RASA3: variants seen among roughly 807,000 people sequenced by gnomAD.
The protein encoded by RASA3 is ras GTPase-activating protein 3.
In RASA3, 73 loss-of-function variants were observed where a neutral mutation model predicts 110.0. That is an observed-to-expected ratio of 0.66 (90% CI 0.55 to 0.81). RASA3 has a LOEUF of 0.81. RASA3 is among the 30% of genes least tolerant of loss of function. RASA3 has a pLI of 0.00. For missense variants in RASA3, 976 were observed against 1,113.2 expected, an observed-to-expected ratio of 0.88 and a Z score of 1.75; for synonymous variants, 500 against 451.4, an observed-to-expected ratio of 1.11 and a Z score of -1.37.
intron 1 of RASA3, among the ~76,000 whole-genome samples, chr13:114,128,077 G>C (rs996741897): frequency 6.6e-6 from 1 of 152,170 alleles, no homozygotes; most frequent in Non-Finnish European, 1.5e-5. Context: ...TCGTCCTCAG[G>C]GGTTAAAAAT....
intron 9 of RASA3, among the ~76,000 whole-genome samples, chr13:114,020,615 G>A (rs1368721198): frequency 6.6e-6 from 1 of 152,236 alleles, no homozygotes; most frequent in Non-Finnish European, 1.5e-5. Context: ...CCTCTCAGGA[G>A]CTGCCTGTCG....
intron 3 of RASA3, among the ~76,000 whole-genome samples, chr13:114,051,304 G>A (rs1272365988): frequency 6.6e-6 from 1 of 152,338 alleles, no homozygotes; most frequent in Admixed American, 6.5e-5. Context: ...GAGCTCAGGC[G>A]CCACAGGACC....
chr13:114,042,398 C>T (rs2054430129), intron 3 of RASA3, among the ~76,000 whole-genome samples: 1 of 152,258 alleles, frequency 6.6e-6, no homozygotes, highest in Non-Finnish European at 1.5e-5. Flanking sequence ...GAAGTCTGAG[C>T]CCATCACAGA....
chr13:114,097,135 C>T (rs552159363), intron 1 of RASA3, among the ~76,000 whole-genome samples: 3 of 152,330 alleles, frequency 2.0e-5, no homozygotes, highest in South Asian at 2.1e-4. Flanking sequence ...CCTCCTGAAC[C>T]GAGCAGTTCT....
chr13:113,981,838 C>G lies in RASA3; in HGVS notation c.2266G>C (p.Val756Leu). The G allele has an allele frequency of 6.2e-7, 1 of 1,613,868 alleles. No individual in the cohort carries two copies. Among genetic ancestry groups the G allele is most frequent in the South Asian group, 1.1e-5 (1 of 91,086 alleles). The part of the protein sequence containing the change: ...KMQEACGSKS[V>L]YDGPEQEEYS... The stretch of plus-strand genomic sequence containing the variant: ...TCCTCCTGCTCCGGGCCGTCATACA[C>G]AGATTTGCTCCCACAGGCCTCTGTG... The change falls in exon 23 of 24, where the codon GTG (valine) becomes CTG (leucine). Residue 756 changes from valine (V) to leucine (L), a missense_variant. This residue lies in a region of RASA3 where 132 missense variants were observed against 152.8 expected (regional missense o/e 0.86). Transcript: ENST00000334062.
intron 4 of RASA3, among the ~76,000 whole-genome samples, chr13:114,034,886 A>T (rs982312627): frequency 3.3e-5 from 5 of 152,102 alleles, no homozygotes; most frequent in Non-Finnish European, 5.9e-5. Context: ...CAGAAGGGAG[A>T]TCTGAACGCT....
At chr13:114,132,046 A>C (rs2080527388) in intron 1 of RASA3, among the ~76,000 whole-genome samples, 1 of 151,936 alleles carries the variant, frequency 6.6e-6, no homozygotes, top group Non-Finnish European at 1.5e-5. Context: ...TGGATTTGAC[A>C]CCTGAAGTGC....
intron 2 of RASA3, among the ~76,000 whole-genome samples, chr13:114,073,220 C>A (rs1280928416): frequency 6.6e-6 from 1 of 151,046 alleles, no homozygotes; most frequent in Non-Finnish European, 1.5e-5. Context: ...ACGCTCGGGA[C>A]ATTGTCTACG....
chr13:114,003,368 C>T (rs1379904353), intron 18 of RASA3, among the ~76,000 whole-genome samples: 2 of 152,204 alleles, frequency 1.3e-5, no homozygotes, highest in Non-Finnish European at 2.9e-5. Context: ...CCTGTATCTA[C>T]AGCAGCTTCT....
intron 10 of RASA3, 88 bp from the exon 11 acceptor site, chr13:114,018,340 G>A: frequency 2.8e-6 from 4 of 1,429,648 alleles, no homozygotes; most frequent in Non-Finnish European, 3.7e-6. Flanking sequence ...CTCACTTCCA[G>A]CCACAATAGA....
At chr13:114,100,849 G>T (rs2080050499) in intron 1 of RASA3, among the ~76,000 whole-genome samples, 1 of 152,246 alleles carries the variant, frequency 6.6e-6, no homozygotes, top group South Asian at 2.1e-4. Flanking sequence ...CACCTGGAGA[G>T]GCTGCTAGTG....
chr13:114,109,705 C>T (rs958209026), intron 1 of RASA3, among the ~76,000 whole-genome samples: 17 of 152,348 alleles, frequency 1.1e-4, no homozygotes, highest in Middle Eastern at 3.4e-3. Flanking sequence ...CGGCTGTGCA[C>T]ACCTGGAGAC....
intron 16 of RASA3, among the ~76,000 whole-genome samples, chr13:114,010,307 A>G (rs2297102): frequency 0.71 from 107,293 of 151,724 alleles, 38,775 homozygotes; most frequent in African/African-American, 0.87. Context: ...TGTGCACCAC[A>G]GCCCAGCCCT....
intron 4 of RASA3, chr13:114,035,979 C>G (rs1379682887): frequency 6.6e-6 from 1 of 152,250 alleles, no homozygotes; most frequent in Non-Finnish European, 1.5e-5. Context: ...GGGGGAAACA[C>G]GTAGGTGTCT....
intron 7 of RASA3, among the ~76,000 whole-genome samples, chr13:114,025,132 C>A (rs9525208): frequency 6.0e-4 from 91 of 152,378 alleles, no homozygotes; most frequent in Non-Finnish European, 1.1e-3. Context: ...CCCTGCCCCC[C>A]CTTCTCCGGG....
chr13:114,114,607 A>G lies in RASA3; in HGVS notation c.55+17828T>C, dbSNP rs2080255435. Among the ~76,000 whole-genome samples the G allele has an allele frequency of 6.6e-6, 1 of 152,228 alleles. No individual in the cohort carries two copies. The highest frequency in any genetic ancestry group is 2.4e-5 in the African/African-American group (1 of 41,464). ...TTCTCGTCTGGTCTTTAAACCACAC[A>G]GGCCAAAATGAGTTGAGCACTATCA... On this transcript the variant is annotated intron_variant, in intron 1 of 23. Coordinates refer to ENST00000334062, the MANE Select transcript of RASA3 (RefSeq NM_007368.4). The surrounding 1 kb of genome is among the most constrained non-coding windows in gnomAD (Gnocchi z 4.8).
At chr13:114,001,190 C>T (rs2139165676) in intron 18 of RASA3, among the ~76,000 whole-genome samples, 1 of 152,368 alleles carries the variant, frequency 6.6e-6, no homozygotes, top group East Asian at 1.9e-4. Flanking sequence ...TCCTGCCTCC[C>T]ACACTGAACT....
In RASA3 at chr13:113,981,805, T is replaced by C; in HGVS notation, c.2299A>G (p.Thr767Ala). Residue 767 changes from threonine (T) to alanine (A), a missense_variant, in exon 23 of 24, where the codon ACG (threonine) becomes GCG (alanine). Physicochemically the swap from Thr to Ala is moderately conservative, Grantham distance 58. Transcript: ENST00000334062. ...TCCTGGGGGTCGTCAATGACGAACG[T>C]CGAATACTCCTCCTGCTCCGGGCCG... ...YDGPEQEEYS[T>A]FVIDDPQETY... 6.2e-7 allele frequency: 1 copy of C among 1,613,938 alleles called. No homozygotes were observed.
Position 114,041,029 on chromosome 13 carries a change from G to A in RASA3, c.343C>T (p.Gln115Ter). 2 of 1,613,802 alleles carry A rather than the reference G, an allele frequency of 1.2e-6. No homozygotes were observed. The highest frequency in any genetic ancestry group is 1.7e-6 in the Non-Finnish European group (2 of 1,180,028). The change falls in exon 4 of 24, where the codon CAG becomes TAG. Residue 115 changes from glutamine (Q) to a stop codon, truncating the protein, a stop_gained. Transcript: ENST00000334062. LOFTEE classifies it high-confidence loss of function. ...ACTTCCGAGTCAGCGTCCACGTGCTGCAGCTGGAACCAGGTGTCCCTGTTG... is the reference window on the plus strand; with the variant it reads ...ACTTCCGAGTCAGCGTCCACGTGCTACAGCTGGAACCAGGTGTCCCTGTTG... The part of the protein sequence containing the change: ...YHNRDTWFQL[Q>*]HVDADSEVQG...
Sources: allele counts gnomAD v4.1 joint callset (sites outside exome capture counted in the v4.1 genomes callset), GRCh38; gene constraint gnomAD v4.1.1; regional missense constraint gnomAD v4.1.1; non-coding constraint Gnocchi (gnomAD v3.1); transcripts MANE v1.5; gene names NCBI Gene and HGNC (gene_info 2026-07-23, HGNC 2026-07-21).